Variants in TTC3 observed in about 807,000 individuals in gnomAD.
TTC3 encodes E3 ubiquitin-protein ligase TTC3.
A neutral mutation model predicts 249.6 loss-of-function variants in TTC3; 180 were observed. That is an observed-to-expected ratio of 0.72 (90% confidence interval 0.64 to 0.82). The LOEUF is 0.82. Ranked by LOEUF, TTC3 falls within the 40% of genes least tolerant of loss-of-function variation. The probability of loss-of-function intolerance (pLI) is 0.00; values close to 1 mark genes in which losing one functional copy is unlikely to be tolerated. For synonymous variants in TTC3, 717 were observed against 805.0 expected (o/e 0.89, Z 1.85); for missense variants, 2,061 against 2,398.4 (o/e 0.86, Z 2.94).
chr21:37,104,178 C>T (rs748172150), intron 10 of TTC3, among the ~76,000 whole-genome samples: 12 of 152,146 alleles, frequency 7.9e-5, no homozygotes, highest in Admixed American at 2.6e-4. Context: ...ACTGTTCTGA[C>T]GTTTCTGCCT....
chr21:37,182,756 C>A lies in TTC3; in HGVS notation c.4618-18C>A, dbSNP rs767482680. 6.4e-7 allele frequency: 1 copy of A among 1,562,468 alleles called. No homozygotes were observed. The highest frequency in any genetic ancestry group is 8.6e-7 in the Non-Finnish European group (1 of 1,158,226). Reference sequence around the variant, plus strand: ...GTATATTTTGCCATTTATTTAAGTACTTTCTAAATGTTTTTAGATCTCAAA... The same window carrying A: ...GTATATTTTGCCATTTATTTAAGTAATTTCTAAATGTTTTTAGATCTCAAA... On this transcript the variant is annotated intron_variant, in intron 35 of 45. Coordinates refer to ENST00000355666, the Ensembl canonical transcript of TTC3.
intron 1 of TTC3, chr21:37,073,450 C>T (rs1236120359): frequency 3.0e-6 from 3 of 986,564 alleles, no homozygotes; most frequent in South Asian, 4.6e-5. Flanking sequence ...GCGGGGCCTT[C>T]CACACCCCCT....
chr21:37,199,402 G>A (rs930552641), intron 44 of TTC3, among the ~76,000 whole-genome samples: 10 of 152,228 alleles, frequency 6.6e-5, no homozygotes, highest in African/African-American at 2.2e-4. Context: ...GGTAAGTGCT[G>A]TGAGCTGCAG....
intron 39 of TTC3, 109 bp downstream of exon 39, chr21:37,188,704 A>G: frequency 1.5e-6 from 1 of 668,472 alleles, no homozygotes. Context: ...TAATAGTTAT[A>G]TAATTGATAC....
chr21:37,144,677 C>A, intron 21 of TTC3, 32 bp downstream of exon 21: 1 of 1,594,972 alleles, frequency 6.3e-7, no homozygotes, highest in Non-Finnish European at 8.5e-7. Context: ...GTGTTTCTTA[C>A]TGTGAATGCT....
intron 7 of TTC3, chr21:37,091,694 G>A (rs1347990417): frequency 1.3e-5 from 2 of 157,390 alleles, no homozygotes; most frequent in African/African-American, 4.8e-5. Flanking sequence ...CCATTCTCCT[G>A]CCTCAGCCTC....
At chr21:37,122,002 G>C (rs1424629470) in intron 12 of TTC3, 23 bp downstream of exon 12, 1 of 1,592,596 alleles carries the variant, frequency 6.3e-7, no homozygotes, top group Middle Eastern at 1.7e-4. Context: ...AGATTCTTTT[G>C]GTTACAGTCT....
intron 1 of TTC3, among the ~76,000 whole-genome samples, chr21:37,076,358 A>G (rs1023782842): frequency 6.6e-6 from 1 of 152,152 alleles, no homozygotes; most frequent in Non-Finnish European, 1.5e-5. Context: ...GGTTGTTTCT[A>G]GGTTTTGCTG....
intron 10 of TTC3, among the ~76,000 whole-genome samples, chr21:37,106,708 G>T (rs2147787303): frequency 6.6e-6 from 1 of 152,226 alleles, no homozygotes; most frequent in Middle Eastern, 3.4e-3. Flanking sequence ...AACATAGTGG[G>T]ACCGTGTCTC....
Position 37,185,703 on chromosome 21 carries a change from T to C in TTC3, c.4758-3T>C. 3 of 1,534,300 alleles carry C rather than the reference T, an allele frequency of 2.0e-6. No individual in the cohort carries two copies. Among genetic ancestry groups the C allele is most frequent in the Middle Eastern group, 1.7e-4 (1 of 5,748 alleles). ...TTAATATTTGGTGATTATGCTTTTA[T>C]AGGTATACCCAGAAAAATGATGGAA... On this transcript the variant is annotated splice_polypyrimidine_tract_variant and splice_region_variant and intron_variant, in intron 36 of 45. Coordinates refer to ENST00000355666, the Ensembl canonical transcript of TTC3.
intron 18 of TTC3, among the ~76,000 whole-genome samples, chr21:37,137,962 T>C (rs35199609): frequency 0.54 from 80,319 of 148,056 alleles, 21,826 homozygotes; most frequent in African/African-American, 0.65. Flanking sequence ...AGCAAACCAC[T>C]GTGGCACGTG....
intron 11 of TTC3, among the ~76,000 whole-genome samples, chr21:37,117,649 G>A (rs1425837822): frequency 6.6e-6 from 1 of 151,770 alleles, no homozygotes; most frequent in Non-Finnish European, 1.5e-5. Context: ...ACTTTGGGAG[G>A]GCAGGACGGG....
At chr21:37,091,264 C>T in intron 6 of TTC3, 29 bp from the exon 7 acceptor site, 1 of 1,597,406 alleles carries the variant, frequency 6.3e-7, no homozygotes, top group East Asian at 2.3e-5. Context: ...ATAACCAAAG[C>T]CCCATTCTTC....
chr21:37,100,354 C>A (rs1007031799), intron 10 of TTC3, among the ~76,000 whole-genome samples: 5 of 151,842 alleles, frequency 3.3e-5, no homozygotes, highest in African/African-American at 1.2e-4. Flanking sequence ...ATAAAAGGAA[C>A]AGAAAAAGAA....
intron 39 of TTC3, among the ~76,000 whole-genome samples, chr21:37,189,134 T>G (rs1233913359): frequency 6.6e-6 from 1 of 152,236 alleles, no homozygotes; most frequent in Non-Finnish European, 1.5e-5. Context: ...TTTGCCAAGT[T>G]GCTTTCCATA....
chr21:37,183,006 A>G (rs905599478), intron 36 of TTC3, 93 bp downstream of exon 36: 3 of 1,090,586 alleles, frequency 2.8e-6, no homozygotes, highest in African/African-American at 1.6e-5. Flanking sequence ...ATATTAAACT[A>G]CATCAAGTAA....
intron 26 of TTC3, 145 bp downstream of exon 26, chr21:37,152,174 T>A: frequency 2.9e-6 from 3 of 1,033,126 alleles, no homozygotes; most frequent in Non-Finnish European, 4.0e-6. Flanking sequence ...TGTCTTCTGT[T>A]ACTCGAAGAC....
At chr21:37,166,577 G>A in exon 33 of TTC3, 1 of 1,613,804 alleles carries the variant, frequency 6.2e-7, no homozygotes. Context: ...CACCAGTGCA[G>A]TAACAAACAT....
At chr21:37,136,382 G>A (rs2077940972) in intron 18 of TTC3, among the ~76,000 whole-genome samples, 1 of 152,204 alleles carries the variant, frequency 6.6e-6, no homozygotes, top group Admixed American at 6.5e-5. Context: ...AACAGTTTTT[G>A]AAGGAAATTA....
Sources: gnomAD v4.1 joint callset for allele counts (sites outside exome capture counted in the v4.1 genomes callset) on GRCh38, gnomAD v4.1.1 for gene constraint, MANE v1.5 for transcripts, NCBI Gene and HGNC (gene_info 2026-07-23, HGNC 2026-07-21) for gene names.